The following DGKI variants were observed in gnomAD, a reference collection of about 807,000 sequenced individuals.
DGKI encodes the protein diacylglycerol kinase iota, also known as DAG kinase iota.
DGKI carries 55 observed loss-of-function variants against 147.5 expected under a neutral mutation model. The observed-to-expected ratio is 0.37, with a 90% CI of 0.30 to 0.47. DGKI has a LOEUF of 0.47. DGKI is among the 20% of genes least tolerant of loss of function. DGKI has a pLI of 1.00. For synonymous variants in DGKI, 469 were observed against 477.1 expected (o/e 0.98, Z 0.22); for missense variants, 1,007 against 1,323.8 (o/e 0.76, Z 3.71).
chr7:137,498,010 G>T (rs1373960988), intron 21 of DGKI, among the ~76,000 whole-genome samples: 4 of 151,904 alleles, frequency 2.6e-5, no homozygotes, highest in Non-Finnish European at 5.9e-5. Context: ...CTTTAAACAT[G>T]ATATCTTTAA....
rs780719441 is a variant in DGKI at position 137,645,466 on chromosome 7, T to C, written c.804+6A>G. 6.2e-7 allele frequency: 1 copy of C among 1,612,974 alleles called. No individual in the cohort carries two copies. The highest frequency in any genetic ancestry group is 1.1e-5 in the South Asian group (1 of 90,942). On this transcript the variant is annotated splice_donor_region_variant and intron_variant, in intron 6 of 32. Coordinates refer to ENST00000614521, the MANE Select transcript of DGKI (RefSeq NM_001321708.2). ...CTGCGAGGCCATGAGGTGGCTGGGCTCTTACCTTACCACACTGCTTACATT... is the reference window on the plus strand; with the variant it reads ...CTGCGAGGCCATGAGGTGGCTGGGCCCTTACCTTACCACACTGCTTACATT...
intron 6 of DGKI, 29 bp downstream of exon 6, chr7:137,645,443 G>A (rs778872959): frequency 1.2e-6 from 2 of 1,607,068 alleles, no homozygotes; most frequent in South Asian, 2.2e-5. Flanking sequence ...GGAGCCTCCT[G>A]CGAGGCCATG....
intron 21 of DGKI, among the ~76,000 whole-genome samples, chr7:137,496,376 C>T (rs1210296209): frequency 6.6e-6 from 1 of 151,982 alleles, no homozygotes; most frequent in East Asian, 1.9e-4. Context: ...CCAAAATGGC[C>T]ATACCTCCCA....
intron 1 of DGKI, among the ~76,000 whole-genome samples, chr7:137,737,100 A>G (rs189328739): frequency 6.6e-6 from 1 of 151,950 alleles, no homozygotes; most frequent in East Asian, 1.9e-4. Flanking sequence ...ACAGTGTTTT[A>G]AAATCATAAA....
At chr7:137,654,433 A>G (rs1259675356) in intron 5 of DGKI, among the ~76,000 whole-genome samples, 1 of 152,212 alleles carries the variant, frequency 6.6e-6, no homozygotes. Context: ...TAAATAAGTA[A>G]TAAAAGTCTA....
intron 5 of DGKI, among the ~76,000 whole-genome samples, chr7:137,647,767 C>T (rs1022439489): frequency 6.6e-6 from 1 of 152,224 alleles, no homozygotes; most frequent in African/African-American, 2.4e-5. Context: ...AGATGAGAAC[C>T]TTAGTCCACT....
At chr7:137,560,110 A>G (rs960017435) in intron 19 of DGKI, among the ~76,000 whole-genome samples, 3 of 152,214 alleles carry the variant, frequency 2.0e-5, no homozygotes, top group African/African-American at 7.2e-5. Context: ...CATACGATGT[A>G]TCATCCACTA....
At chr7:137,587,613 A>G (rs1345942955) in intron 12 of DGKI, among the ~76,000 whole-genome samples, 1 of 152,198 alleles carries the variant, frequency 6.6e-6, no homozygotes. Flanking sequence ...ATTTAACCTC[A>G]CTGAGACTCA....
At chr7:137,493,785 C>T in intron 21 of DGKI, 1 of 702,072 alleles carries the variant, frequency 1.4e-6, no homozygotes, top group Non-Finnish European at 2.6e-6. Context: ...CTTCTTACCT[C>T]CAAATGACTG....
chr7:137,757,180 T>C (rs1795713759), intron 1 of DGKI, among the ~76,000 whole-genome samples: 1 of 152,062 alleles, frequency 6.6e-6, no homozygotes, highest in African/African-American at 2.4e-5. Context: ...CATCCACTTC[T>C]TAAACCTGGG....
At chr7:137,535,639 T>A (rs796294767) in intron 20 of DGKI, among the ~76,000 whole-genome samples, 10 of 152,226 alleles carry the variant, frequency 6.6e-5, no homozygotes, top group African/African-American at 2.4e-4. Context: ...TGAAGTAACC[T>A]TTTACTGTAT....
At chr7:137,827,899 A>G (rs1798106612) in intron 1 of DGKI, among the ~76,000 whole-genome samples, 1 of 152,176 alleles carries the variant, frequency 6.6e-6, no homozygotes, top group African/African-American at 2.4e-5. Context: ...TTCTCCATTC[A>G]ATCAATGACA....
At chr7:137,726,114 C>A (rs947119116) in intron 1 of DGKI, among the ~76,000 whole-genome samples, 1 of 152,162 alleles carries the variant, frequency 6.6e-6, no homozygotes, top group African/African-American at 2.4e-5. Flanking sequence ...AACTACCATG[C>A]ACCAAACTGA....
chr7:137,523,540 G>A (rs776276422), intron 20 of DGKI, among the ~76,000 whole-genome samples: 4 of 151,944 alleles, frequency 2.6e-5, no homozygotes, highest in Non-Finnish European at 5.9e-5. Context: ...GAGATGGTAG[G>A]CAGGTAAAAA....
intron 6 of DGKI, among the ~76,000 whole-genome samples, chr7:137,625,294 T>C (rs574523366): frequency 6.6e-6 from 1 of 151,682 alleles, no homozygotes; most frequent in African/African-American, 2.4e-5. Flanking sequence ...ACCCCGTCTG[T>C]ACTAAAAATA....
rs184382667 is a variant in DGKI at position 137,394,564 on chromosome 7, C to G, written c.3057+1034G>C. ...GTGCTCTCTATAAACTTAAACAACT[C>G]GTGGTGCAGCTTGTTCTCAGTTCTC... On this transcript the variant is annotated intron_variant, in intron 32 of 32. Transcript: ENST00000614521. Among the ~76,000 whole-genome samples the G allele has an allele frequency of 4.1e-4, 62 of 152,284 alleles. 2 individuals are homozygous for G. The South Asian group carries it at 6.0e-3, about 15-fold the overall frequency.
At chr7:137,494,023 A>C (rs747343601) in intron 21 of DGKI, among the ~76,000 whole-genome samples, 1 of 152,240 alleles carries the variant, frequency 6.6e-6, no homozygotes, top group Non-Finnish European at 1.5e-5. Context: ...CAAGAATTTC[A>C]GAATACAACT....
chr7:137,804,227 T>C (rs1158241982), intron 1 of DGKI, among the ~76,000 whole-genome samples: 1 of 152,218 alleles, frequency 6.6e-6, no homozygotes, highest in Non-Finnish European at 1.5e-5. Flanking sequence ...CTACTGGATA[T>C]GTGAGCTTGT....
chr7:137,552,906 C>A (rs1818099656), intron 19 of DGKI, among the ~76,000 whole-genome samples: 1 of 152,038 alleles, frequency 6.6e-6, no homozygotes, highest in South Asian at 2.1e-4. Context: ...TAGAGCGAGA[C>A]TCCATCTCAA....
Sources: allele counts gnomAD v4.1 joint callset (sites outside exome capture counted in the v4.1 genomes callset), GRCh38; gene constraint gnomAD v4.1.1; transcripts MANE v1.5; gene names NCBI Gene and HGNC (gene_info 2026-07-23, HGNC 2026-07-21).